SH3BGRL: variants seen among roughly 807,000 people sequenced by gnomAD.
SH3BGRL encodes the protein SH3 domain binding glutamate rich protein like, also known as adapter SH3BGRL.
Under a neutral mutation model 9.8 loss-of-function variants are expected in SH3BGRL, and 7 were observed. The ratio of observed to expected loss-of-function variants is 0.72; its 90% CI spans 0.41 to 1.35. The LOEUF (loss-of-function observed/expected upper bound fraction) is 1.35. Among genes scored for constraint, SH3BGRL ranks in the 40% most tolerant of loss-of-function variants. The pLI, the probability that SH3BGRL is intolerant of heterozygous loss-of-function variation, is 0.01. For missense variants in SH3BGRL, 73 were observed against 84.4 expected, an observed-to-expected ratio of 0.86 and a Z score of 0.53; for synonymous variants, 36 against 29.1, an observed-to-expected ratio of 1.24 and a Z score of -0.76.
intron 1 of SH3BGRL, among the ~76,000 whole-genome samples, chrX:81,234,367 G>A (rs772478661): frequency 8.9e-6 from 1 of 111,910 alleles, no homozygotes; most frequent in East Asian, 2.8e-4. Flanking sequence ...TGTCTTTCAT[G>A]ATTTTTACAA....
At chrX:81,294,685 C>T (rs765704704) in intron 3 of SH3BGRL, among the ~76,000 whole-genome samples, 14 of 111,173 alleles carry the variant, frequency 1.3e-4, no homozygotes, top group Non-Finnish European at 2.4e-4. Context: ...GAGAAGAGGG[C>T]CACTGTCCTT....
intron 3 of SH3BGRL, among the ~76,000 whole-genome samples, chrX:81,295,614 G>GACC (rs1336180506): frequency 1.8e-5 from 2 of 111,460 alleles, no homozygotes; most frequent in Non-Finnish European, 3.8e-5. Context: ...GCAGCCCACA[G>GACC]ACCACAGGTT....
chrX:81,255,615 C>A (rs1031145077), intron 1 of SH3BGRL: 2 of 112,250 alleles, frequency 1.8e-5, no homozygotes, highest in African/African-American at 6.5e-5. Context: ...GATTATGATT[C>A]TTTCCTGCAT....
intron 1 of SH3BGRL, 199 bp downstream of exon 1, chrX:81,202,444 C>G: frequency 2.0e-6 from 2 of 1,002,713 alleles, no homozygotes; most frequent in East Asian, 4.2e-5. Flanking sequence ...TAGAGTTCAG[C>G]TTTGTTTGCT....
chrX:81,276,378 T>G (rs1211958088), intron 1 of SH3BGRL, among the ~76,000 whole-genome samples: 1 of 109,484 alleles, frequency 9.1e-6, no homozygotes, highest in Non-Finnish European at 1.9e-5. Flanking sequence ...ATAATACACA[T>G]AAAAGATACC....
chrX:81,202,526 G>A, intron 1 of SH3BGRL: 2 of 927,419 alleles, frequency 2.2e-6, no homozygotes, highest in Non-Finnish European at 2.7e-6. Flanking sequence ...GATGGGAGAT[G>A]GTGCTATACG....
chrX:81,237,072 A>G, intron 1 of SH3BGRL: 1 of 911,317 alleles, frequency 1.1e-6, no homozygotes, highest in Non-Finnish European at 1.4e-6. Context: ...AGTGAGAGAA[A>G]AGTCAAGTAA....
At chrX:81,211,102 G>C (rs1174747443) in intron 1 of SH3BGRL, among the ~76,000 whole-genome samples, 1 of 112,237 alleles carries the variant, frequency 8.9e-6, no homozygotes, top group Non-Finnish European at 1.9e-5. Context: ...TGTGATTTGA[G>C]TAGGTCATAA....
intron 3 of SH3BGRL, among the ~76,000 whole-genome samples, chrX:81,294,639 C>G (rs1286825253): frequency 9.0e-6 from 1 of 111,331 alleles, no homozygotes; most frequent in Non-Finnish European, 1.9e-5. Context: ...AGCCCCCACA[C>G]AGAGTCCCTA....
At chrX:81,266,139 T>C (rs1046945759) in intron 1 of SH3BGRL, among the ~76,000 whole-genome samples, 1 of 112,166 alleles carries the variant, frequency 8.9e-6, no homozygotes, top group African/African-American at 3.2e-5. Flanking sequence ...TTTCTCCCGT[T>C]CTGTAGGTTG....
chrX:81,239,104 T>G (rs2075659119), intron 1 of SH3BGRL, among the ~76,000 whole-genome samples: 1 of 112,032 alleles, frequency 8.9e-6, no homozygotes, highest in South Asian at 3.7e-4. Flanking sequence ...TACCTAACTC[T>G]TTAATGCCCA....
At chrX:81,235,905 CA>C (rs2075646535) in intron 1 of SH3BGRL, among the ~76,000 whole-genome samples, 1 of 111,696 alleles carries the variant, frequency 9.0e-6, no homozygotes, top group African/African-American at 3.3e-5. Flanking sequence ...TGAACTTGTA[CA>C]GTTTTCTAGC....
At position 81,231,782 on chromosome X, in the gene SH3BGRL, A is replaced by G. The variant is rs139209023; in HGVS notation, c.45+29537A>G. On this transcript the variant is annotated intron_variant, in intron 1 of 3. Transcript: ENST00000373212. ...TCATGGCAAGCCATTAGCAAACACT[A>G]GTTGTAAAAGTGGCAGCTTTGGGTC... is the stretch of plus-strand genomic sequence containing the variant. 7.9e-3 allele frequency among the ~76,000 whole-genome samples: 885 copies of G among 112,417 alleles called. 13 individuals are homozygous for G. Among genetic ancestry groups the G allele is most frequent in the African/African-American group, 0.026 (820 of 30,992 alleles).
chrX:81,238,344 C>A (rs2075655309), intron 1 of SH3BGRL, among the ~76,000 whole-genome samples: 1 of 112,220 alleles, frequency 8.9e-6, no homozygotes, highest in Non-Finnish European at 1.9e-5. Context: ...GGAACATTGA[C>A]AGCAGTCTGG....
At chrX:81,292,791 G>A (rs746972818) in intron 3 of SH3BGRL, among the ~76,000 whole-genome samples, 7 of 111,615 alleles carry the variant, frequency 6.3e-5, no homozygotes, top group Non-Finnish European at 1.3e-4. Context: ...TTGCTCCTTA[G>A]AAATTTCTTC....
rs1485172913 is a variant in SH3BGRL, at chrX:81,297,966, A to T, written c.*739A>T. The T allele has an allele frequency of 8.9e-6, 1 of 112,058 alleles. No homozygotes were observed. 9.2% of individuals were successfully genotyped at this position (112,058 alleles called of 1,213,427 possible). ...TTGCCTCAGTGAAATATGCATATGT[A>T]TATCATGAAAGTGGGATGCCAAGTA... On this transcript the variant is annotated 3_prime_UTR_variant, in exon 4 of 4. Transcript: ENST00000373212.
At chrX:81,237,831 C>G (rs1290426826) in intron 1 of SH3BGRL, among the ~76,000 whole-genome samples, 2 of 105,230 alleles carry the variant, frequency 1.9e-5, no homozygotes, top group Admixed American at 2.1e-4. Flanking sequence ...AAAGAAGCGC[C>G]TTCCTTCTGC....
At chrX:81,216,176 GT>G (rs758552068) in intron 1 of SH3BGRL, among the ~76,000 whole-genome samples, 1 of 110,278 alleles carries the variant, frequency 9.1e-6, no homozygotes, top group South Asian at 3.8e-4. Context: ...TGCTCTCCTT[GT>G]TTTTTTTCCC....
At chrX:81,208,611 C>G (rs1382566072) in intron 1 of SH3BGRL, among the ~76,000 whole-genome samples, 1 of 112,386 alleles carries the variant, frequency 8.9e-6, no homozygotes, top group Non-Finnish European at 1.9e-5. Context: ...CATCTGTTTG[C>G]TTTCAGATCT....
Sources: gnomAD v4.1 joint callset for allele counts (sites outside exome capture counted in the v4.1 genomes callset) on GRCh38, gnomAD v4.1.1 for gene constraint, MANE v1.5 for transcripts, NCBI Gene and HGNC (gene_info 2026-07-23, HGNC 2026-07-21) for gene names.